The following CSMD2 variants were observed in gnomAD, a reference collection of about 807,000 sequenced individuals.
The protein encoded by CSMD2 is CUB and Sushi multiple domains 2, also known as CUB and sushi domain-containing protein 2.
In CSMD2, 130 loss-of-function variants were observed where a neutral mutation model predicts 398.5. The observed-to-expected ratio is 0.33, with a 90% CI of 0.28 to 0.38. The LOEUF (loss-of-function observed/expected upper bound fraction) is 0.38. CSMD2 is among the 10% of genes least tolerant of loss of function. CSMD2 has a pLI of 1.00. For synonymous variants in CSMD2, 1,828 were observed against 1,908.5 expected (o/e 0.96, Z 1.10); for missense variants, 3,829 against 4,764.9 (o/e 0.80, Z 5.78).
chr1:33,592,655 A>T (rs1309275420), intron 44 of CSMD2, among the ~76,000 whole-genome samples: 1 of 152,168 alleles, frequency 6.6e-6, no homozygotes, highest in Non-Finnish European at 1.5e-5. Context: ...ATCACTTTAA[A>T]AATTATCATG....
At position 33,635,388 on chromosome 1, in the gene CSMD2, A is replaced by G. The variant is rs573496571; in HGVS notation, c.4970-58T>C. The G allele has an allele frequency of 3.1e-5, 33 of 1,058,968 alleles. No individual in the cohort carries two copies. The highest frequency in any genetic ancestry group is 1.1e-4 in the Admixed American group (6 of 56,574). The allele number at this position is 1,058,968 out of a possible 1,614,324, so 65.6% of individuals were successfully genotyped here. On this transcript the variant is annotated intron_variant, in intron 30 of 70. Transcript: ENST00000373381. This position sits in a 1 kb window ranked among gnomAD's most constrained non-coding sequence, Gnocchi z 5.0. ...CCTTGTGGGCCTCTTACCAGTGACC[A>G]TCCTCTGTTCTGCCCCAGCCTGAGC...
chr1:34,124,227 T>C (rs887282336), intron 1 of CSMD2, among the ~76,000 whole-genome samples: 2 of 152,190 alleles, frequency 1.3e-5, no homozygotes, highest in African/African-American at 4.8e-5. Context: ...AGCACACATA[T>C]ATTGATGCTT....
At chr1:34,029,367 G>A (rs193187874) in intron 3 of CSMD2, among the ~76,000 whole-genome samples, 1 of 152,232 alleles carries the variant, frequency 6.6e-6, no homozygotes, top group African/African-American at 2.4e-5. Context: ...TCTGCCCAAG[G>A]TCACCCAGTG....
chr1:34,020,704 G>T (rs1244585670), intron 3 of CSMD2, among the ~76,000 whole-genome samples: 1 of 152,180 alleles, frequency 6.6e-6, no homozygotes, highest in East Asian at 1.9e-4. Flanking sequence ...CTCAGGCAAG[G>T]TAACTCACCT....
chr1:34,125,753 G>C (rs1164341925), intron 1 of CSMD2, among the ~76,000 whole-genome samples: 1 of 151,948 alleles, frequency 6.6e-6, no homozygotes, highest in African/African-American at 2.4e-5. Flanking sequence ...ACTAACTGGA[G>C]GTGCTCCACA....
intron 13 of CSMD2, among the ~76,000 whole-genome samples, chr1:33,763,402 T>G (rs183222847): frequency 1.4e-3 from 220 of 152,322 alleles, no homozygotes; most frequent in Middle Eastern, 0.014. Context: ...ATTGGAATTT[T>G]GGGGGACAAG....
rs1250393393 is a variant in CSMD2, at chr1:33,646,745, C to T, written c.4677G>A (p.Gln1559=). The change falls in exon 29 of 71, where the codon CAG becomes CAA. Residue 1559 remains glutamine, a synonymous_variant. Transcript: ENST00000373381. ...SPLIGSFYGS[Q]LPGRIESSSN... is the part of the protein sequence containing the mutation. ...TGCTGCTTTCAATGCGGCCTGGGAG[C>T]TGGGAGCCATAGAAGCTTCCTATGA... The T allele has an allele frequency of 6.2e-6, 10 of 1,614,178 alleles. 1 individual carries two copies. In the South Asian group the frequency reaches 1.1e-4, roughly 18 times the overall value.
chr1:33,829,656 G>A (rs1160922526), intron 6 of CSMD2, among the ~76,000 whole-genome samples: 3 of 152,206 alleles, frequency 2.0e-5, no homozygotes, highest in South Asian at 2.1e-4. Context: ...GACAGTGGGC[G>A]CAGGACAGTG....
intron 5 of CSMD2, among the ~76,000 whole-genome samples, chr1:33,905,697 A>G (rs1643046194): frequency 6.6e-6 from 1 of 152,186 alleles, no homozygotes; most frequent in Non-Finnish European, 1.5e-5. Context: ...AGTGCTCAAT[A>G]GAGAGAACAA....
Position 33,624,615 on chromosome 1 carries a change from G to A in CSMD2, c.5529C>T (p.Arg1843=), listed in dbSNP as rs1482271342. 1.2e-6 allele frequency: 2 copies of A among 1,613,718 alleles called. No individual in the cohort carries two copies. The highest frequency in any genetic ancestry group is 8.5e-7 in the Non-Finnish European group (1 of 1,179,852). ...AGCCAGGGGACAGGATGGTGCCCCT[G>A]CGCTCTGTGAGGTTGCCTCCACACG... is the stretch of plus-strand genomic sequence containing the variant. The part of the protein sequence containing the change: ...VVPCGGNLTE[R]RGTILSPGFP... The change falls in exon 35 of 71, where the codon CGC becomes CGT. Residue 1843 remains arginine (R), a synonymous_variant. Coordinates refer to ENST00000373381, the MANE Select transcript of CSMD2 (RefSeq NM_001281956.2). This position sits in a 1 kb window ranked among gnomAD's most constrained non-coding sequence, Gnocchi z 4.7.
At chr1:33,612,775 G>A (rs1023159915) in intron 40 of CSMD2, among the ~76,000 whole-genome samples, 26 of 151,466 alleles carry the variant, frequency 1.7e-4, no homozygotes, top group African/African-American at 5.8e-4. Flanking sequence ...TCCGCCTCCC[G>A]GGTTCACACC....
At chr1:33,717,481 G>T (rs1225469850) in intron 19 of CSMD2, among the ~76,000 whole-genome samples, 1 of 151,924 alleles carries the variant, frequency 6.6e-6, no homozygotes, top group East Asian at 1.9e-4. Flanking sequence ...ACATCCAGTG[G>T]CACGTCCACC....
intron 5 of CSMD2, among the ~76,000 whole-genome samples, chr1:33,910,568 A>C (rs1336759566): frequency 6.6e-6 from 1 of 152,158 alleles, no homozygotes; most frequent in East Asian, 1.9e-4. Flanking sequence ...GGATCCAGCC[A>C]ATGAGGACAT....
intron 5 of CSMD2, chr1:33,864,559 T>A: frequency 6.2e-7 from 1 of 1,614,008 alleles, no homozygotes; most frequent in East Asian, 2.2e-5. Flanking sequence ...GTGGTGCAGG[T>A]GGCCAAGGCC....
intron 3 of CSMD2, among the ~76,000 whole-genome samples, chr1:33,941,617 G>A (rs1293881127): frequency 6.6e-6 from 1 of 152,174 alleles, no homozygotes; most frequent in Non-Finnish European, 1.5e-5. Context: ...TTGAGTCCCA[G>A]ATCTGTGCTA....
At chr1:33,820,413 C>T in intron 8 of CSMD2, 56 bp downstream of exon 8, 2 of 1,220,774 alleles carry the variant, frequency 1.6e-6, no homozygotes, top group Non-Finnish European at 1.2e-6. Flanking sequence ...CTGTCTTCCT[C>T]CCAGCCAGGC....
intron 1 of CSMD2, among the ~76,000 whole-genome samples, chr1:34,095,514 A>C (rs1659178146): frequency 6.6e-6 from 1 of 151,918 alleles, no homozygotes; most frequent in Admixed American, 6.6e-5. Flanking sequence ...GACCGCTAGC[A>C]AGACTAATAA....
At chr1:33,755,204 T>C (rs988621443) in intron 13 of CSMD2, among the ~76,000 whole-genome samples, 1 of 152,140 alleles carries the variant, frequency 6.6e-6, no homozygotes, top group Non-Finnish European at 1.5e-5. Context: ...GATTCAGCTA[T>C]TGTTGAGCTG....
At chr1:33,608,857 T>C (rs1640810493) in intron 41 of CSMD2, among the ~76,000 whole-genome samples, 1 of 152,166 alleles carries the variant, frequency 6.6e-6, no homozygotes, top group South Asian at 2.1e-4. Context: ...TTTCCGTTGT[T>C]TAAGCCACCC....
Sources: allele counts gnomAD v4.1 joint callset (sites outside exome capture counted in the v4.1 genomes callset), GRCh38; gene constraint gnomAD v4.1.1; non-coding constraint Gnocchi (gnomAD v3.1); transcripts MANE v1.5; gene names NCBI Gene and HGNC (gene_info 2026-07-23, HGNC 2026-07-21).